The following ADAM22 variants were observed in gnomAD, a reference collection of about 807,000 sequenced individuals.
The protein encoded by ADAM22 is disintegrin and metalloproteinase domain-containing protein 22.
A neutral mutation model predicts 144.6 loss-of-function variants in ADAM22; 65 were observed. That is an observed-to-expected ratio of 0.45 (90% CI 0.37 to 0.55). The LOEUF (loss-of-function observed/expected upper bound fraction) is 0.55. Ranked by LOEUF, ADAM22 falls within the 20% of genes least tolerant of loss-of-function variation. The pLI, the probability that ADAM22 is intolerant of heterozygous loss-of-function variation, is 0.00. For missense variants in ADAM22, 974 were observed against 1,184.9 expected (o/e 0.82, Z 2.61); for synonymous variants, 391 against 412.6 (o/e 0.95, Z 0.63).
chr7:87,960,149 T>C (rs1279484937), intron 2 of ADAM22, among the ~76,000 whole-genome samples: 2 of 152,208 alleles, frequency 1.3e-5, no homozygotes, highest in Non-Finnish European at 2.9e-5. Context: ...TACTTATCAA[T>C]CAACCATGTG....
intron 15 of ADAM22, among the ~76,000 whole-genome samples, chr7:88,143,733 C>G (rs756296310): frequency 6.6e-6 from 1 of 152,202 alleles, no homozygotes; most frequent in Non-Finnish European, 1.5e-5. Flanking sequence ...TTTGTCCTTG[C>G]GAATTATGTG....
chr7:88,081,258 G>C (rs1179817141), intron 4 of ADAM22, among the ~76,000 whole-genome samples: 1 of 152,116 alleles, frequency 6.6e-6, no homozygotes, highest in Non-Finnish European at 1.5e-5. Context: ...TATCTCAATA[G>C]ATGCAGAAAA....
chr7:88,106,178 G>A (rs769443952), intron 4 of ADAM22, among the ~76,000 whole-genome samples: 4 of 152,122 alleles, frequency 2.6e-5, no homozygotes, highest in Non-Finnish European at 5.9e-5. Flanking sequence ...GGCCTTCTGG[G>A]TTCCATTCCC....
chr7:88,165,517 T>C (rs1842746941), intron 23 of ADAM22, among the ~76,000 whole-genome samples: 1 of 152,166 alleles, frequency 6.6e-6, no homozygotes, highest in African/African-American at 2.4e-5. Context: ...ATATTTCTGC[T>C]TAGCTTTTTA....
intron 4 of ADAM22, among the ~76,000 whole-genome samples, chr7:88,079,889 A>G (rs1392954135): frequency 6.6e-6 from 1 of 152,168 alleles, no homozygotes; most frequent in Admixed American, 6.6e-5. Flanking sequence ...CTCCCACACA[A>G]TAATAATGGG....
chr7:87,978,096 G>A (rs1436701060), intron 2 of ADAM22, among the ~76,000 whole-genome samples: 1 of 152,194 alleles, frequency 6.6e-6, no homozygotes, highest in Non-Finnish European at 1.5e-5. Flanking sequence ...TTAACCACTT[G>A]AGGTAAACTA....
chr7:87,968,952 A>G (rs1849787151), intron 2 of ADAM22, among the ~76,000 whole-genome samples: 1 of 152,054 alleles, frequency 6.6e-6, no homozygotes, highest in Non-Finnish European at 1.5e-5. Flanking sequence ...AGAGAGAGAG[A>G]GAAGGGGGAG....
intron 6 of ADAM22, 134 bp from the exon 7 acceptor site, chr7:88,116,611 G>A (rs1355288939): frequency 6.0e-6 from 4 of 667,968 alleles, no homozygotes; most frequent in Middle Eastern, 2.6e-4. Context: ...TTGGGCAATG[G>A]TTCATCACCT....
At chr7:88,116,408 G>A (rs1327230496) in intron 6 of ADAM22, among the ~76,000 whole-genome samples, 2 of 152,158 alleles carry the variant, frequency 1.3e-5, no homozygotes. Flanking sequence ...TTAAAAGGGT[G>A]CAGGGATCCG....
intron 2 of ADAM22, among the ~76,000 whole-genome samples, chr7:87,976,598 T>C (rs574340072): frequency 3.0e-4 from 45 of 152,342 alleles, no homozygotes; most frequent in Non-Finnish European, 5.3e-4. Flanking sequence ...TAGACGACTA[T>C]AGGTGGAACT....
intron 3 of ADAM22, among the ~76,000 whole-genome samples, chr7:88,018,691 G>A (rs1401327324): frequency 6.6e-6 from 1 of 152,120 alleles, no homozygotes; most frequent in Non-Finnish European, 1.5e-5. Flanking sequence ...GATTCCCAAT[G>A]GTATGTTCGC....
intron 5 of ADAM22, 69 bp downstream of exon 5, chr7:88,108,327 C>T: frequency 8.2e-7 from 1 of 1,215,662 alleles, no homozygotes; most frequent in Non-Finnish European, 1.2e-6. Context: ...TATGAATGCA[C>T]TATAGTAGAT....
intron 3 of ADAM22, among the ~76,000 whole-genome samples, chr7:88,022,999 T>C (rs1798164420): frequency 6.6e-6 from 1 of 152,218 alleles, no homozygotes; most frequent in Non-Finnish European, 1.5e-5. Context: ...ATCGATTCAT[T>C]ACTTTTACTT....
chr7:88,182,405 G>A (rs777388270), intron 29 of ADAM22, among the ~76,000 whole-genome samples: 2 of 151,972 alleles, frequency 1.3e-5, no homozygotes, highest in Admixed American at 6.6e-5. Context: ...TGTAAGCATC[G>A]GGGAAAAATT....
At chr7:88,090,369 A>G (rs890645881) in intron 4 of ADAM22, among the ~76,000 whole-genome samples, 1 of 152,170 alleles carries the variant, frequency 6.6e-6, no homozygotes, top group African/African-American at 2.4e-5. Flanking sequence ...AGCTATGAAC[A>G]TGGTGTCTTT....
rs1586400949 is a variant in ADAM22, at chr7:88,165,807, A to G, written c.2077-25A>G. ...CTTCTGTACCAGAGAGTTGACATTT[A>G]CTCTAGCTTGATTTTGGATCTCAGG... On this transcript the variant is annotated intron_variant, in intron 23 of 31. Transcript: ENST00000413139. The G allele has an allele frequency of 8.6e-6, 13 of 1,515,256 alleles. No individual in the cohort carries two copies. The East Asian group carries it at 3.0e-4, about 35-fold the overall frequency. 93.9% of individuals were successfully genotyped at this position (1,515,256 alleles called of 1,614,324 possible). A position where few individuals can be genotyped will look rare whatever the true frequency, so the allele number is the denominator to read the frequency against.
chr7:88,075,562 C>T, intron 3 of ADAM22, 64 bp from the exon 4 acceptor site: 1 of 1,407,636 alleles, frequency 7.1e-7, no homozygotes, highest in Non-Finnish European at 1.0e-6. Context: ...TAAACTAGAT[C>T]CTGATTTTCG....
chr7:88,196,445 C>A, intron 31 of ADAM22, 26 bp from the exon 32 acceptor site: 2 of 1,613,796 alleles, frequency 1.2e-6, no homozygotes, highest in African/African-American at 1.3e-5. Flanking sequence ...TCACAATGTG[C>A]AATTTTGCTC....
intron 4 of ADAM22, among the ~76,000 whole-genome samples, chr7:88,079,073 A>G (rs533823688): frequency 1.3e-5 from 2 of 152,336 alleles, no homozygotes; most frequent in East Asian, 3.9e-4. Context: ...AATGAAGGAA[A>G]AAATGTTAAG....
Sources: gnomAD v4.1 joint callset for allele counts (sites outside exome capture counted in the v4.1 genomes callset) on GRCh38, gnomAD v4.1.1 for gene constraint, MANE v1.5 for transcripts, NCBI Gene and HGNC (gene_info 2026-07-23, HGNC 2026-07-21) for gene names.